The following COA1 variants were observed in gnomAD, a reference collection of about 807,000 sequenced individuals.
COA1 encodes cytochrome c oxidase assembly factor 1 homolog.
A neutral mutation model predicts 16.0 loss-of-function variants in COA1; 13 were observed. The ratio of observed to expected loss-of-function variants is 0.81; its 90% confidence interval spans 0.53 to 1.29. COA1 has a LOEUF of 1.29. COA1 is among the 50% of genes most tolerant of loss of function. The pLI is 0.00. For missense variants in COA1, 179 were observed against 177.0 expected, an observed-to-expected ratio of 1.01 and a Z score of -0.06; for synonymous variants, 65 against 65.7, an observed-to-expected ratio of 0.99 and a Z score of 0.05.
At chr7:43,626,609 C>T (rs991179038) in intron 6 of COA1, 6 of 152,088 alleles carry the variant, frequency 3.9e-5, no homozygotes, top group Admixed American at 2.6e-4. Context: ...AGAAGTTAAA[C>T]ACAGTATTAG....
intron 1 of COA1, among the ~76,000 whole-genome samples, chr7:43,709,689 AT>A (rs965534038): frequency 1.1e-4 from 17 of 151,950 alleles, no homozygotes; most frequent in Non-Finnish European, 2.4e-4. Context: ...ATCCAGTTTT[AT>A]TTTTTTTAAT....
At position 43,719,319 on chromosome 7, in the gene COA1, T is replaced by C. The variant is rs1196878915; in HGVS notation, c.-39+10110A>G. 3.3e-5 allele frequency among the ~76,000 whole-genome samples: 5 copies of C among 152,090 alleles called. No individual in the cohort carries two copies. In the South Asian group the frequency reaches 8.3e-4, roughly 25 times the overall value. ...TATCTCCAGCAGGAATGAACTGCCTTGGAAACAAGAAACTCAAGCACAGAC... is the reference window on the plus strand; with the variant it reads ...TATCTCCAGCAGGAATGAACTGCCTCGGAAACAAGAAACTCAAGCACAGAC... On this transcript the variant is annotated intron_variant, in intron 1 of 5. Coordinates refer to ENST00000223336, the MANE Select transcript of COA1 (RefSeq NM_018224.4).
At chr7:43,624,787 G>T (rs781270039) in intron 6 of COA1, 4 of 1,610,326 alleles carry the variant, frequency 2.5e-6, no homozygotes, top group South Asian at 2.2e-5. Context: ...ATTTCCAAAC[G>T]ATTTAAATTT....
At chr7:43,626,057 C>T (rs953398710) in intron 6 of COA1, 1 of 152,028 alleles carries the variant, frequency 6.6e-6, no homozygotes, top group East Asian at 1.9e-4. Flanking sequence ...AAGTGTATGC[C>T]GAATACCTTA....
Position 43,639,511 on chromosome 7 carries a change from C to G in COA1, c.*71G>C, listed in dbSNP as rs77224833. The G allele has an allele frequency of 3.8e-3, 4,806 of 1,257,428 alleles. 20 individuals carry two copies. The highest frequency in any genetic ancestry group is 5.0e-3 in the Non-Finnish European group (4,287 of 861,428). The allele number at this position is 1,257,428 out of a possible 1,614,324, so 77.9% of individuals were successfully genotyped here. A position where few individuals can be genotyped will look rare whatever the true frequency, so the allele number is the denominator to read the frequency against. ...AGTGTCTGTCACTGAGATGGGCCAC[C>G]ACCCCAGTGGCCATATGGTAGAGAT... On this transcript the variant is annotated 3_prime_UTR_variant, in exon 6 of 6. Coordinates refer to ENST00000223336, the MANE Select transcript of COA1 (RefSeq NM_018224.4).
intron 6 of COA1, among the ~76,000 whole-genome samples, chr7:43,610,150 T>C (rs1331414822): frequency 6.6e-6 from 1 of 150,532 alleles, no homozygotes; most frequent in Non-Finnish European, 1.5e-5. Context: ...ATCGAGACCA[T>C]CCTGGCTAAC....
At chr7:43,719,116 C>T (rs1330633170) in intron 1 of COA1, among the ~76,000 whole-genome samples, 2 of 151,880 alleles carry the variant, frequency 1.3e-5, no homozygotes, top group Admixed American at 6.6e-5. Context: ...GGATTACATG[C>T]GCCACCACAC....
chr7:43,616,708 T>A (rs969386777), intron 6 of COA1, among the ~76,000 whole-genome samples: 2 of 152,120 alleles, frequency 1.3e-5, no homozygotes, highest in Non-Finnish European at 2.9e-5. Flanking sequence ...CCATCCTGGC[T>A]AACACGGTGA....
At chr7:43,711,920 G>A (rs1185399246) in intron 1 of COA1, among the ~76,000 whole-genome samples, 1 of 152,040 alleles carries the variant, frequency 6.6e-6, no homozygotes, top group Non-Finnish European at 1.5e-5. Flanking sequence ...AAATATATGT[G>A]TGAATACGAA....
At chr7:43,691,651 G>T (rs141728159) in intron 1 of COA1, among the ~76,000 whole-genome samples, 1 of 152,114 alleles carries the variant, frequency 6.6e-6, no homozygotes. Context: ...CAGCAAGATG[G>T]CAGAATAAGA....
At chr7:43,649,791 A>G (rs945292758) in intron 1 of COA1, 1 of 152,284 alleles carries the variant, frequency 6.6e-6, no homozygotes, top group Non-Finnish European at 1.5e-5. Flanking sequence ...AGTATCTTGA[A>G]GAAGGGATGG....
intron 4 of COA1, among the ~76,000 whole-genome samples, 176 bp downstream of exon 4, chr7:43,645,075 T>TA (rs1223221817): frequency 1.3e-5 from 2 of 152,018 alleles, no homozygotes; most frequent in Non-Finnish European, 2.9e-5. Flanking sequence ...ATAAAATATA[T>TA]TTTATATAAA....
intron 1 of COA1, among the ~76,000 whole-genome samples, chr7:43,724,788 T>C (rs796478375): frequency 4.6e-5 from 7 of 152,254 alleles, no homozygotes; most frequent in African/African-American, 1.7e-4. Flanking sequence ...CTAAATGAAA[T>C]AAACCAGACT....
At chr7:43,724,530 G>T (rs2095573645) in intron 1 of COA1, among the ~76,000 whole-genome samples, 2 of 150,354 alleles carry the variant, frequency 1.3e-5, no homozygotes, top group Non-Finnish European at 3.0e-5. Context: ...CAGCCTGGGA[G>T]ACAGAGCAAG....
intron 6 of COA1, among the ~76,000 whole-genome samples, chr7:43,629,861 G>A (rs758013146): frequency 2.0e-5 from 3 of 152,194 alleles, no homozygotes; most frequent in African/African-American, 4.8e-5. Flanking sequence ...TTTTACCTCC[G>A]TGGATTCTAC....
At chr7:43,648,543 C>G in intron 2 of COA1, 57 bp downstream of exon 2, 1 of 1,589,132 alleles carries the variant, frequency 6.3e-7, no homozygotes, top group Non-Finnish European at 8.6e-7. Flanking sequence ...TATTGTCTAA[C>G]TCGAGAATAC....
chr7:43,681,701 G>C (rs2093776311), intron 1 of COA1, among the ~76,000 whole-genome samples: 1 of 152,188 alleles, frequency 6.6e-6, no homozygotes, highest in South Asian at 2.1e-4. Flanking sequence ...GTCCATGGCT[G>C]AATTTATAGT....
downstream of COA1, among the ~76,000 whole-genome samples, chr7:43,637,062 T>C (rs1319610618): frequency 6.6e-6 from 1 of 152,236 alleles, no homozygotes; most frequent in East Asian, 1.9e-4. Context: ...TTTCTTCATG[T>C]TGTGCTTTCC....
intron 4 of COA1, 48 bp from the exon 5 acceptor site, chr7:43,640,697 T>C (rs771374769): frequency 7.4e-7 from 1 of 1,344,692 alleles, no homozygotes; most frequent in South Asian, 1.3e-5. Context: ...GGATAATTAT[T>C]GTCATTTCAG....
Sources: allele counts gnomAD v4.1 joint callset (sites outside exome capture counted in the v4.1 genomes callset), GRCh38; gene constraint gnomAD v4.1.1; transcripts MANE v1.5; gene names NCBI Gene and HGNC (gene_info 2026-07-23, HGNC 2026-07-21).